The following LRMDA variants were observed in gnomAD, a reference collection of about 807,000 sequenced individuals.
The protein encoded by LRMDA is leucine-rich melanocyte differentiation-associated protein.
LRMDA carries 18 observed loss-of-function variants against 29.8 expected under a neutral mutation model. The observed-to-expected ratio is 0.60, with a 90% confidence interval of 0.42 to 0.90. LRMDA has a LOEUF of 0.90. Among genes scored for constraint, LRMDA ranks in the 40% least tolerant of loss-of-function variants. The probability of loss-of-function intolerance (pLI) is 0.00; values close to 1 mark genes in which losing one functional copy is unlikely to be tolerated. For missense variants in LRMDA, 273 were observed against 273.9 expected (o/e 1.00, Z 0.02); for synonymous variants, 125 against 109.4 (o/e 1.14, Z -0.89).
At chr10:76,482,625 G>A (rs1354810682) in intron 6 of LRMDA, among the ~76,000 whole-genome samples, 1 of 151,832 alleles carries the variant, frequency 6.6e-6, no homozygotes, top group Non-Finnish European at 1.5e-5. Context: ...TCCAGTTTGG[G>A]GCTATAGTCA....
chr10:75,957,696 A>G (rs1846687986), intron 2 of LRMDA, among the ~76,000 whole-genome samples: 1 of 152,142 alleles, frequency 6.6e-6, no homozygotes, highest in Non-Finnish European at 1.5e-5. Flanking sequence ...GGAGAACAGC[A>G]ATGGGGTTAG....
chr10:75,660,891 C>T lies in LRMDA; in HGVS notation c.131+222397C>T, dbSNP rs1360234711. Among the ~76,000 whole-genome samples, 20 of 152,286 alleles carry T rather than the reference C, an allele frequency of 1.3e-4. 1 individual carries two copies. In the East Asian group the frequency reaches 3.5e-3, roughly 26 times the overall value. ...TGCCAGTTTGTGCTTATTAATCATGCTTACACAAGTATCTTAATTACTCCC... is the reference window on the plus strand; with the variant it reads ...TGCCAGTTTGTGCTTATTAATCATGTTTACACAAGTATCTTAATTACTCCC... On this transcript the variant is annotated intron_variant, in intron 2 of 6. Transcript: ENST00000611255.
chr10:76,026,313 G>T (rs976888777), intron 2 of LRMDA, among the ~76,000 whole-genome samples: 6 of 152,200 alleles, frequency 3.9e-5, no homozygotes, highest in Admixed American at 3.9e-4. Context: ...AACATAGTTG[G>T]GGAGCACTGC....
At chr10:75,710,599 CT>C (rs1252204141) in intron 2 of LRMDA, among the ~76,000 whole-genome samples, 2 of 152,180 alleles carry the variant, frequency 1.3e-5, no homozygotes, top group East Asian at 1.9e-4. Flanking sequence ...TTGCTGCTGC[CT>C]TTTTCCCCCC....
intron 5 of LRMDA, among the ~76,000 whole-genome samples, chr10:76,127,444 C>G (rs1849903724): frequency 6.6e-6 from 1 of 152,186 alleles, no homozygotes; most frequent in African/African-American, 2.4e-5. Context: ...CTGTTCCCAC[C>G]AGGTGAACTG....
intron 5 of LRMDA, among the ~76,000 whole-genome samples, chr10:76,087,245 A>G (rs1297332968): frequency 3.3e-5 from 5 of 152,154 alleles, no homozygotes; most frequent in Non-Finnish European, 5.9e-5. Flanking sequence ...CCGAGGAAGC[A>G]GTGTAGGGCA....
At chr10:76,128,011 T>C (rs1190323092) in intron 5 of LRMDA, among the ~76,000 whole-genome samples, 1 of 152,144 alleles carries the variant, frequency 6.6e-6, no homozygotes, top group Non-Finnish European at 1.5e-5. Flanking sequence ...GATCACAGTG[T>C]ATAAAGTGCT....
chr10:76,263,537 C>A (rs1032796439), intron 5 of LRMDA, among the ~76,000 whole-genome samples: 2 of 152,154 alleles, frequency 1.3e-5, no homozygotes, highest in Admixed American at 1.3e-4. Flanking sequence ...GCACATTACT[C>A]AAGCTTCTAC....
At chr10:75,937,059 T>C (rs1846308241) in intron 2 of LRMDA, among the ~76,000 whole-genome samples, 1 of 152,164 alleles carries the variant, frequency 6.6e-6, no homozygotes, top group Non-Finnish European at 1.5e-5. Context: ...GTTTTTACTT[T>C]TGGGGGAAGA....
intron 2 of LRMDA, among the ~76,000 whole-genome samples, chr10:75,868,984 G>T (rs1166180469): frequency 1.3e-5 from 2 of 152,180 alleles, no homozygotes; most frequent in Non-Finnish European, 1.5e-5. Context: ...AATAATGGAG[G>T]TCACAGGTAA....
intron 2 of LRMDA, among the ~76,000 whole-genome samples, chr10:75,540,122 T>C (rs1470167774): frequency 6.6e-6 from 1 of 152,068 alleles, no homozygotes; most frequent in Admixed American, 6.6e-5. Context: ...ATATTGAAAA[T>C]AAAGCAGGAG....
chr10:76,277,832 A>T (rs1478648079), intron 5 of LRMDA, among the ~76,000 whole-genome samples: 1 of 152,170 alleles, frequency 6.6e-6, no homozygotes, highest in Non-Finnish European at 1.5e-5. Flanking sequence ...CTGAGAAGGG[A>T]TGTGATCTTT....
intron 5 of LRMDA, among the ~76,000 whole-genome samples, chr10:76,074,293 C>T (rs935840167): frequency 6.6e-6 from 1 of 152,158 alleles, no homozygotes; most frequent in Non-Finnish European, 1.5e-5. Flanking sequence ...AGCACTAAAC[C>T]TATAATCTTT....
intron 2 of LRMDA, chr10:75,743,577 G>C (rs1327419603): frequency 6.6e-6 from 1 of 152,174 alleles, no homozygotes; most frequent in Non-Finnish European, 1.5e-5. Context: ...AAAGAGTTCT[G>C]AGAAGTTTTG....
Position 76,376,865 on chromosome 10 carries a change from CTTTTTTTTTTTTTTTTTT to C in LRMDA, c.601+52401_601+52418del, listed in dbSNP as rs71024600. 1.7e-4 allele frequency among the ~76,000 whole-genome samples: 8 copies of C among 47,374 alleles called. 1 individual carries two copies. The highest frequency in any genetic ancestry group is 2.6e-4 in the African/African-American group (3 of 11,416). The allele number at this position is 47,374 out of a possible 152,430, so 31.1% of individuals were successfully genotyped here. ...AAATGTTTGTTGGGCACTTGGAAGT[CTTTTTTTTTTTTTTTTTT>C]TTTTTTTTTTTTTTTTTTTTGAGAC... On this transcript the variant is annotated intron_variant, in intron 6 of 6. Transcript: ENST00000611255.
At chr10:75,629,510 A>G (rs929860337) in intron 2 of LRMDA, among the ~76,000 whole-genome samples, 2 of 152,170 alleles carry the variant, frequency 1.3e-5, no homozygotes, top group East Asian at 1.9e-4. Context: ...CTCACTGTCT[A>G]TCCCGAGTGT....
chr10:76,253,139 G>C (rs1205786765), intron 5 of LRMDA, among the ~76,000 whole-genome samples: 1 of 152,158 alleles, frequency 6.6e-6, no homozygotes, highest in African/African-American at 2.4e-5. Context: ...TTGGGAAATT[G>C]AGTTTTCAGA....
chr10:75,813,882 A>G lies in LRMDA; in HGVS notation c.132-222126A>G, dbSNP rs578020881. Among the ~76,000 whole-genome samples, 16 of 152,306 alleles carry G rather than the reference A, an allele frequency of 1.1e-4. 1 individual carries two copies. The highest frequency in any genetic ancestry group is 7.2e-4 in the Admixed American group (11 of 15,294). On this transcript the variant is annotated intron_variant, in intron 2 of 6. Transcript: ENST00000611255. ...ATATGACCTCTAGTTACTGTCCTAG[A>G]AAAATCTCTGCTGGGTCAAAATGCT...
At chr10:76,446,063 G>A (rs1285982393) in intron 6 of LRMDA, among the ~76,000 whole-genome samples, 3 of 152,110 alleles carry the variant, frequency 2.0e-5, no homozygotes, top group South Asian at 4.1e-4. Context: ...TTATTGCGTA[G>A]ATCTGTATAC....
Sources: gnomAD v4.1 joint callset for allele counts (sites outside exome capture counted in the v4.1 genomes callset) on GRCh38, gnomAD v4.1.1 for gene constraint, MANE v1.5 for transcripts, NCBI Gene and HGNC (gene_info 2026-07-23, HGNC 2026-07-21) for gene names.